Variants in RTKN2 observed in about 807,000 individuals in gnomAD.
The protein encoded by RTKN2 is rhotekin-2.
In RTKN2, 69 loss-of-function variants were observed where a neutral mutation model predicts 71.5. That is an observed-to-expected ratio of 0.96 (90% CI 0.79 to 1.18). The LOEUF (loss-of-function observed/expected upper bound fraction) is 1.18. Among genes scored for constraint, RTKN2 ranks in the 50% most tolerant of loss-of-function variants. RTKN2 has a pLI of 0.00. For missense variants in RTKN2, 724 were observed against 719.7 expected (o/e 1.01, Z -0.07); for synonymous variants, 236 against 236.5 (o/e 1.00, Z 0.02).
intron 2 of RTKN2, among the ~76,000 whole-genome samples, chr10:62,261,453 A>G (rs1234706008): frequency 6.6e-6 from 1 of 152,068 alleles, no homozygotes; most frequent in Non-Finnish European, 1.5e-5. Context: ...CATCCTGGCT[A>G]ACATGGTGAA....
intron 6 of RTKN2, among the ~76,000 whole-genome samples, chr10:62,228,531 TA>T (rs1357115545): frequency 6.6e-6 from 1 of 152,154 alleles, no homozygotes; most frequent in Non-Finnish European, 1.5e-5. Flanking sequence ...GATAGGAATA[TA>T]AAAAATTATT....
Position 62,236,175 on chromosome 10 carries a change from G to C in RTKN2, c.577C>G (p.Leu193Val). 1 of 1,611,300 alleles carries C rather than the reference G, an allele frequency of 6.2e-7. No homozygotes were observed. The highest frequency in any genetic ancestry group is 1.7e-4 in the Middle Eastern group (1 of 6,020). The stretch of plus-strand genomic sequence containing the variant: ...ATAGATGTCTTGAGTTTCTTAGCTA[G>C]CTTTTTTGGTGTGTTGGTTATAGAA... ...ESSITNTPKKLAKKLKTSISK... is the reference protein window; with the variant it reads ...ESSITNTPKKVAKKLKTSISK... The change falls in exon 6 of 12, where the codon CTA (leucine) becomes GTA (valine). Residue 193 changes from leucine (L) to valine (V), a missense_variant. By Grantham distance (32) the Leu-to-Val change is conservative. Transcript: ENST00000373789.
intron 2 of RTKN2, among the ~76,000 whole-genome samples, chr10:62,254,114 A>G (rs1368449886): frequency 6.6e-6 from 1 of 152,216 alleles, no homozygotes; most frequent in African/African-American, 2.4e-5. Flanking sequence ...TTATGATTTA[A>G]TAACAAGACC....
At chr10:62,242,999 A>T (rs962706489) in intron 3 of RTKN2, among the ~76,000 whole-genome samples, 2 of 152,052 alleles carry the variant, frequency 1.3e-5, no homozygotes, top group African/African-American at 4.8e-5. Flanking sequence ...TATTATTATT[A>T]TACTTTAAGT....
In RTKN2 at chr10:62,244,605, T is replaced by C. The variant is rs1016560528; in HGVS notation, c.316+1394A>G. ...AGAAGCAAGAAATGAAGGATATGTT[T>C]AGTTTTTATAAAATCTCAAAGATCT... On this transcript the variant is annotated intron_variant, in intron 3 of 11. Transcript: ENST00000373789. 2.0e-5 allele frequency among the ~76,000 whole-genome samples: 3 copies of C among 152,154 alleles called. 1 individual carries two copies. Among genetic ancestry groups the C allele is most frequent in the Non-Finnish European group, 4.4e-5 (3 of 67,996 alleles).
chr10:62,268,733 C>T lies in RTKN2; in HGVS notation c.-123G>A, dbSNP rs1001117244. The T allele has an allele frequency of 1.2e-5, 12 of 1,037,678 alleles. No homozygotes were observed. Among genetic ancestry groups the T allele is most frequent in the Admixed American group, 8.0e-5 (3 of 37,312 alleles). 64.3% of individuals were successfully genotyped at this position (1,037,678 alleles called of 1,614,324 possible). Reference sequence around the variant, plus strand: ...CCGTACCAAGTCCCAGTCGCAGGGGCCGGGGGCGCAGGAGGAGCCGGGCCG... The same window carrying T: ...CCGTACCAAGTCCCAGTCGCAGGGGTCGGGGGCGCAGGAGGAGCCGGGCCG... On this transcript the variant is annotated 5_prime_UTR_variant, in exon 1 of 12. Transcript: ENST00000373789.
At chr10:62,234,372 C>A (rs1284341194) in intron 6 of RTKN2, among the ~76,000 whole-genome samples, 1 of 151,412 alleles carries the variant, frequency 6.6e-6, no homozygotes, top group Non-Finnish European at 1.5e-5. Flanking sequence ...AAGAAAAATA[C>A]AAAAATTAGC....
rs138775906 is a variant in RTKN2 at position 62,202,245 on chromosome 10, T to C, written c.1187-2384A>G. Among the ~76,000 whole-genome samples, 1,262 of 152,300 alleles carry C rather than the reference T, an allele frequency of 8.3e-3. 17 individuals carry two copies. The highest frequency in any genetic ancestry group is 0.013 in the Non-Finnish European group (883 of 68,014). On this transcript the variant is annotated intron_variant, in intron 10 of 11. Coordinates refer to ENST00000373789, the MANE Select transcript of RTKN2 (RefSeq NM_145307.4). Reference sequence around the variant, plus strand: ...ACATCCACCCGAGGCTATTCTTCCCTGGGCTAAACAGATCTACTTCCGTAA... The same window carrying C: ...ACATCCACCCGAGGCTATTCTTCCCCGGGCTAAACAGATCTACTTCCGTAA...
intron 5 of RTKN2, among the ~76,000 whole-genome samples, chr10:62,236,528 T>C (rs1240586939): frequency 6.6e-6 from 1 of 151,984 alleles, no homozygotes; most frequent in African/African-American, 2.4e-5. Flanking sequence ...TAGAGGTTCC[T>C]AAAGAAATTA....
At position 62,197,949 on chromosome 10, in the gene RTKN2, C is replaced by T. The variant is rs770623953; in HGVS notation, c.1789G>A (p.Asp597Asn). The change falls in exon 12 of 12, where the codon GAC becomes AAC. Residue 597 changes from aspartate to asparagine, a missense_variant. Transcript: ENST00000373789. ...VPAPRQKSIK[D>N]ILDPRSWLQA... ...AGCCATGATCTAGGGTCCAGAATGT[C>T]TTTGATGGATTTCTGCCTTGGAGCT... 8.1e-6 allele frequency: 13 copies of T among 1,613,794 alleles called. No homozygotes were observed. The highest frequency in any genetic ancestry group is 9.3e-6 in the Non-Finnish European group (11 of 1,179,906).
At chr10:62,219,954 G>C (rs550178992) in intron 7 of RTKN2, among the ~76,000 whole-genome samples, 2 of 152,222 alleles carry the variant, frequency 1.3e-5, no homozygotes, top group African/African-American at 4.8e-5. Flanking sequence ...AGACATCAGA[G>C]TATAAATAAA....
At chr10:62,202,851 G>A (rs1841471570) in intron 10 of RTKN2, among the ~76,000 whole-genome samples, 2 of 152,110 alleles carry the variant, frequency 1.3e-5, no homozygotes, top group Non-Finnish European at 1.5e-5. Context: ...CTCTCCTCCT[G>A]TTTTTATGCA....
intron 3 of RTKN2, among the ~76,000 whole-genome samples, chr10:62,242,999 ATACTT>A (rs1842409779): frequency 1.3e-5 from 2 of 152,052 alleles, no homozygotes; most frequent in South Asian, 4.1e-4. Context: ...TATTATTATT[ATACTT>A]TAAGTTTTAG....
Position 62,195,920 on chromosome 10 carries a change from G to T in RTKN2, c.*1988C>A. 1.0e-6 allele frequency: 1 copy of T among 985,080 alleles called. No homozygotes were observed. The highest frequency in any genetic ancestry group is 1.7e-5 in the African/African-American group (1 of 57,276). The allele number at this position is 985,080 out of a possible 1,614,324, so 61.0% of individuals were successfully genotyped here. A position where few individuals can be genotyped will look rare whatever the true frequency, so the allele number is the denominator to read the frequency against. Reference sequence around the variant, plus strand: ...AGGGCACAACTGCTAGGTAATTTCTGTATGAATACTTTCTTTTTCTTATAC... The same window carrying T: ...AGGGCACAACTGCTAGGTAATTTCTTTATGAATACTTTCTTTTTCTTATAC... On this transcript the variant is annotated 3_prime_UTR_variant, in exon 12 of 12. Transcript: ENST00000373789.
At position 62,195,315 on chromosome 10, in the gene RTKN2, A is replaced by C; in HGVS notation, c.*2593T>G. On this transcript the variant is annotated 3_prime_UTR_variant, in exon 12 of 12. Coordinates refer to ENST00000373789, the MANE Select transcript of RTKN2 (RefSeq NM_145307.4). The stretch of plus-strand genomic sequence containing the variant: ...ATTAAAAGGACAAACAAGGAATGTG[A>C]AAGCTCATAAAAAGCTGAAGCAGCT... 1.0e-6 allele frequency: 1 copy of C among 985,290 alleles called. No individual in the cohort carries two copies. The highest frequency in any genetic ancestry group is 1.2e-6 in the Non-Finnish European group (1 of 829,792). 61.0% of individuals were successfully genotyped at this position (985,290 alleles called of 1,614,324 possible).
At chr10:62,237,341 T>C (rs750096200) in intron 5 of RTKN2, among the ~76,000 whole-genome samples, 2 of 151,850 alleles carry the variant, frequency 1.3e-5, no homozygotes, top group Non-Finnish European at 2.9e-5. Flanking sequence ...AAATAAGAAT[T>C]TGGAATAAGT....
intron 9 of RTKN2, among the ~76,000 whole-genome samples, chr10:62,206,000 TA>T (rs1841541257): frequency 1.3e-5 from 2 of 152,192 alleles, no homozygotes; most frequent in African/African-American, 4.8e-5. Flanking sequence ...GAAAATTTTC[TA>T]AAAACCACAA....
intron 10 of RTKN2, among the ~76,000 whole-genome samples, chr10:62,201,072 G>A (rs184883528): frequency 2.5e-4 from 38 of 152,022 alleles, no homozygotes; most frequent in Admixed American, 1.6e-3. Flanking sequence ...TAGTTCCTAC[G>A]TATCTGTATA....
chr10:62,227,494 T>C (rs1452414033), intron 6 of RTKN2, among the ~76,000 whole-genome samples: 2 of 152,138 alleles, frequency 1.3e-5, no homozygotes, highest in African/African-American at 2.4e-5. Context: ...AGGAGGTCAC[T>C]GTGACTGGAG....
Sources: gnomAD v4.1 joint callset for allele counts (sites outside exome capture counted in the v4.1 genomes callset) on GRCh38, gnomAD v4.1.1 for gene constraint, MANE v1.5 for transcripts, NCBI Gene and HGNC (gene_info 2026-07-23, HGNC 2026-07-21) for gene names.